DHX8: variants seen among roughly 807,000 people sequenced by gnomAD.
DHX8 encodes ATP-dependent RNA helicase DHX8.
A neutral mutation model predicts 140.7 loss-of-function variants in DHX8; 67 were observed. The ratio of observed to expected loss-of-function variants is 0.48; its 90% confidence interval spans 0.39 to 0.58. The LOEUF is 0.58. Ranked by LOEUF, DHX8 falls within the 20% of genes least tolerant of loss-of-function variation. DHX8 has a pLI of 0.00. For missense variants in DHX8, 887 were observed against 1,550.7 expected (o/e 0.57, Z 7.19); for synonymous variants, 533 against 553.2 (o/e 0.96, Z 0.51).
Position 43,507,393 on chromosome 17 carries a change from T to G in DHX8, c.1924-110T>G, listed in dbSNP as rs547863178. 7.4e-5 allele frequency: 87 copies of G among 1,170,094 alleles called. 1 individual carries two copies. The African/African-American group carries it at 1.2e-3, about 16-fold the overall frequency. The allele number at this position is 1,170,094 out of a possible 1,614,324, so 72.5% of individuals were successfully genotyped here. A position where few individuals can be genotyped will look rare whatever the true frequency, so the allele number is the denominator to read the frequency against. The stretch of plus-strand genomic sequence containing the variant: ...ACTATGAGGAAATTACTGTACATCT[T>G]GATCAGATTCTTAAGATTATGAGTG... On this transcript the variant is annotated intron_variant, in intron 13 of 22. Coordinates refer to ENST00000262415, the MANE Select transcript of DHX8 (RefSeq NM_004941.3).
chr17:43,518,496 A>G (rs1227865671), intron 18 of DHX8: 1 of 152,144 alleles, frequency 6.6e-6, no homozygotes, highest in Non-Finnish European at 1.5e-5. Context: ...TATCCCTCCC[A>G]CCTAACATGG....
chr17:43,492,351 T>C, intron 5 of DHX8, 59 bp downstream of exon 5: 1 of 1,450,316 alleles, frequency 6.9e-7, no homozygotes, highest in Non-Finnish European at 9.6e-7. Flanking sequence ...TTGAATATTA[T>C]GGACCAGCCA....
chr17:43,508,618 CTTT>C (rs369283745), intron 16 of DHX8, 98 bp downstream of exon 16: 5,675 of 519,216 alleles, frequency 0.011, no homozygotes, highest in South Asian at 0.017. Context: ...GTATGCAAGT[CTTT>C]TTTTTTTTTT....
chr17:43,542,308 T>C (rs1363684249), intron 3 of DHX8, among the ~76,000 whole-genome samples: 2 of 152,088 alleles, frequency 1.3e-5, no homozygotes, highest in African/African-American at 4.8e-5. Flanking sequence ...AACCTATCCA[T>C]AGGGCTTCTG....
downstream of DHX8, chr17:43,529,338 A>G: frequency 7.1e-7 from 1 of 1,415,280 alleles, no homozygotes; most frequent in South Asian, 1.2e-5. Context: ...CAAAGTGCCA[A>G]GCTAGCTCTG....
At chr17:43,530,295 T>G (rs1970845382), downstream of DHX8, 2 of 1,509,032 alleles carry the variant, frequency 1.3e-6, no homozygotes, top group Middle Eastern at 1.7e-4. Flanking sequence ...TGCTTCCTGG[T>G]GACTGTTCTT....
At chr17:43,515,345 T>C (rs1451441589) in intron 17 of DHX8, among the ~76,000 whole-genome samples, 1 of 152,162 alleles carries the variant, frequency 6.6e-6, no homozygotes, top group African/African-American at 2.4e-5. Flanking sequence ...CATGCCGCCA[T>C]GACCACCTAA....
intron 16 of DHX8, 98 bp downstream of exon 16, chr17:43,508,618 CTTTTT>C (rs369283745): frequency 6.4e-4 from 338 of 526,710 alleles, no homozygotes; most frequent in South Asian, 1.1e-3. Context: ...GTATGCAAGT[CTTTTT>C]TTTTTTTTTT....
At chr17:43,544,752 A>G, downstream of DHX8, 1 of 502,486 alleles carries the variant, frequency 2.0e-6, no homozygotes, top group Non-Finnish European at 3.6e-6. Context: ...AAGCCTAGTT[A>G]CACAAGCCTG....
downstream of DHX8, chr17:43,529,688 G>A (rs377232247): frequency 5.0e-6 from 8 of 1,602,018 alleles, no homozygotes; most frequent in East Asian, 2.2e-5. Context: ...TGGGGAACAC[G>A]AAAATAGGAG....
Position 43,525,035 on chromosome 17 carries a change from C to T in DHX8, c.*1188C>T. ...TCTCCAATCCCTGGCGTCAAGCAATCCTCCTGCCTCTGCCTCCCAAAGCGC... is the reference window on the plus strand; with the variant it reads ...TCTCCAATCCCTGGCGTCAAGCAATTCTCCTGCCTCTGCCTCCCAAAGCGC... On this transcript the variant is annotated 3_prime_UTR_variant, in exon 23 of 23. Coordinates refer to ENST00000262415, the MANE Select transcript of DHX8 (RefSeq NM_004941.3). The T allele has an allele frequency of 1.0e-6, 1 of 985,286 alleles. No individual in the cohort carries two copies. Among genetic ancestry groups the T allele is most frequent in the Non-Finnish European group, 1.2e-6 (1 of 829,872 alleles). 61.0% of individuals were successfully genotyped at this position (985,286 alleles called of 1,614,324 possible).
At chr17:43,530,252 C>T, downstream of DHX8, 2 of 1,542,640 alleles carry the variant, frequency 1.3e-6, no homozygotes, top group Non-Finnish European at 1.8e-6. Flanking sequence ...GGAGGAAGTC[C>T]TATCCACATT....
chr17:43,500,866 G>A (rs569767733), intron 11 of DHX8, among the ~76,000 whole-genome samples: 14 of 151,944 alleles, frequency 9.2e-5, no homozygotes, highest in African/African-American at 2.7e-4. Context: ...AGCCAAGATC[G>A]CGCCACTGCA....
chr17:43,526,386 G>A (rs1325774495), downstream of DHX8: 24 of 1,505,394 alleles, frequency 1.6e-5, no homozygotes, highest in Non-Finnish European at 2.1e-5. Context: ...GTATATGGCA[G>A]GACCGTCCCT....
intron 3 of DHX8, among the ~76,000 whole-genome samples, chr17:43,539,503 T>A (rs1452890593): frequency 6.6e-6 from 1 of 152,212 alleles, no homozygotes; most frequent in Non-Finnish European, 1.5e-5. Context: ...ACCTATCTCC[T>A]CCACCAGGAA....
chr17:43,526,723 A>AT, downstream of DHX8: 1 of 1,426,588 alleles, frequency 7.0e-7, no homozygotes, highest in South Asian at 1.5e-5. Context: ...GTTTCCACCG[A>AT]TTTTTACACC....
chr17:43,484,292 ATCTGTC>A, intron 1 of DHX8, 107 bp downstream of exon 1: 1 of 1,313,006 alleles, frequency 7.6e-7, no homozygotes, highest in Non-Finnish European at 1.1e-6. Flanking sequence ...GTTCGTGTGA[ATCTGTC>A]TCTCTCTGTC....
chr17:43,493,554 T>A lies in DHX8; in HGVS notation c.973T>A (p.Ser325Thr). The A allele has an allele frequency of 6.2e-7, 1 of 1,614,154 alleles. No homozygotes were observed. The highest frequency in any genetic ancestry group is 8.5e-7 in the Non-Finnish European group (1 of 1,180,008). Residue 325 changes from serine to threonine, a missense_variant, in exon 7 of 23, where the codon TCC becomes ACC. Physicochemically the swap from Ser to Thr is moderately conservative, Grantham distance 58. This residue lies in a region of DHX8 where 98 missense variants were observed against 152.7 expected (regional missense o/e 0.64). Coordinates refer to ENST00000262415, the MANE Select transcript of DHX8 (RefSeq NM_004941.3). ...CCAGAGGGTCAAAGTCAAAGTGCTG[T>A]CCTTCACTGGGACCAAGACCAGCCT... ...KGQRVKVKVLSFTGTKTSLSM... is the reference protein window; with the variant it reads ...KGQRVKVKVLTFTGTKTSLSM...
intron 6 of DHX8, 50 bp from the exon 7 acceptor site, chr17:43,493,395 G>A (rs1437681789): frequency 6.3e-7 from 1 of 1,597,046 alleles, no homozygotes; most frequent in Non-Finnish European, 8.5e-7. Flanking sequence ...AAATTGGTTG[G>A]GGGAAAAATA....
Sources: gnomAD v4.1 joint callset for allele counts (sites outside exome capture counted in the v4.1 genomes callset) on GRCh38, gnomAD v4.1.1 for gene constraint, gnomAD v4.1.1 regional missense constraint, MANE v1.5 for transcripts, NCBI Gene and HGNC (gene_info 2026-07-23, HGNC 2026-07-21) for gene names.